Variants in FRY observed in about 807,000 individuals in gnomAD.
FRY encodes the protein protein furry homolog.
Under a neutral mutation model 348.4 loss-of-function variants are expected in FRY, and 128 were observed. The ratio of observed to expected loss-of-function variants is 0.37; its 90% CI spans 0.32 to 0.43. The LOEUF (loss-of-function observed/expected upper bound fraction) is 0.43, where lower values mean the gene tolerates loss of function less well. Among genes scored for constraint, FRY ranks in the 20% least tolerant of loss-of-function variants. The pLI, the probability that FRY is intolerant of heterozygous loss-of-function variation, is 1.00. For synonymous variants in FRY, 1,370 were observed against 1,374.7 expected (o/e 1.00, Z 0.08); for missense variants, 2,736 against 3,695.2 (o/e 0.74, Z 6.73).
chr13:32,051,888 A>G (rs1287261032), intron 1 of FRY, among the ~76,000 whole-genome samples: 2 of 152,262 alleles, frequency 1.3e-5, no homozygotes, highest in Admixed American at 6.5e-5. Flanking sequence ...CAATCATAAC[A>G]TGGATGATAT....
intron 1 of FRY, chr13:32,061,146 G>C: frequency 1.9e-6 from 1 of 533,400 alleles, no homozygotes; most frequent in South Asian, 1.4e-5. Flanking sequence ...TGTGTGATCA[G>C]CTTCATAAAA....
intron 48 of FRY, 127 bp from the exon 49 acceptor site, chr13:32,249,399 G>A (rs1055954458): frequency 1.0e-6 from 1 of 983,060 alleles, no homozygotes; most frequent in African/African-American, 1.6e-5. Context: ...GAGCCCACTT[G>A]TAACACTGAA....
intron 46 of FRY, 25 bp from the exon 47 acceptor site, chr13:32,244,017 C>T (rs1233589652): frequency 6.2e-7 from 1 of 1,612,672 alleles, no homozygotes; most frequent in East Asian, 2.2e-5. Context: ...GTGTGACTGA[C>T]TCCAGCCGCA....
chr13:32,130,604 T>C (rs1016333371), intron 7 of FRY, among the ~76,000 whole-genome samples: 2 of 152,040 alleles, frequency 1.3e-5, no homozygotes, highest in Non-Finnish European at 2.9e-5. Flanking sequence ...TTCTCTTAGC[T>C]TTAAGATCTG....
intron 28 of FRY, among the ~76,000 whole-genome samples, chr13:32,187,910 G>C (rs553213943): frequency 5.3e-5 from 8 of 152,200 alleles, no homozygotes; most frequent in African/African-American, 1.9e-4. Context: ...TAGAGACTAT[G>C]TTCTCTAATC....
intron 26 of FRY, 143 bp from the exon 27 acceptor site, chr13:32,186,117 T>C: frequency 1.4e-6 from 1 of 713,748 alleles, no homozygotes; most frequent in Non-Finnish European, 2.5e-6. Context: ...GTGGCTTGAC[T>C]TTTTAAGTGC....
At chr13:32,144,821 A>G (rs927040348) in intron 11 of FRY, among the ~76,000 whole-genome samples, 2 of 152,224 alleles carry the variant, frequency 1.3e-5, no homozygotes, top group Non-Finnish European at 2.9e-5. Context: ...CCTATCATTT[A>G]TGTGGGAACT....
intron 1 of FRY, among the ~76,000 whole-genome samples, chr13:32,050,049 T>C (rs1393800954): frequency 1.3e-5 from 2 of 152,170 alleles, no homozygotes; most frequent in Admixed American, 1.3e-4. Flanking sequence ...ATTAACACAG[T>C]GGTGTTGTAT....
chr13:32,098,606 T>A (rs1182554162), intron 2 of FRY, among the ~76,000 whole-genome samples: 1 of 151,802 alleles, frequency 6.6e-6, no homozygotes, highest in African/African-American at 2.4e-5. Context: ...CCTGAAGAAG[T>A]GATAGTTCAG....
At chr13:32,123,826 G>A (rs1878841914) in intron 4 of FRY, among the ~76,000 whole-genome samples, 1 of 152,092 alleles carries the variant, frequency 6.6e-6, no homozygotes, top group South Asian at 2.1e-4. Flanking sequence ...ATGTTTTGTT[G>A]TTGTTGTTGT....
chr13:32,097,681 A>G (rs543796138), intron 2 of FRY, among the ~76,000 whole-genome samples: 135 of 151,956 alleles, frequency 8.9e-4, no homozygotes, highest in Non-Finnish European at 1.5e-3. Flanking sequence ...TAAAAGTATC[A>G]TTGGAGCTGT....
chr13:32,037,222 T>C (rs1427279600), intron 1 of FRY, among the ~76,000 whole-genome samples: 1 of 152,222 alleles, frequency 6.6e-6, no homozygotes, highest in Non-Finnish European at 1.5e-5. Context: ...AAAATAGGAT[T>C]ATAGTAATAA....
intron 11 of FRY, among the ~76,000 whole-genome samples, chr13:32,145,694 G>C (rs542280769): frequency 2.0e-5 from 3 of 151,120 alleles, no homozygotes; most frequent in African/African-American, 7.3e-5. Context: ...ACAGGCGCCC[G>C]CCACCGCGCC....
intron 2 of FRY, among the ~76,000 whole-genome samples, chr13:32,082,831 T>C (rs139261184): frequency 0.026 from 3,975 of 152,292 alleles, 61 homozygotes; most frequent in Middle Eastern, 0.068. Context: ...TATTTCTTTG[T>C]GGGTTCTTTA....
chr13:32,209,691 G>T lies in FRY; in HGVS notation c.4382G>T (p.Ser1461Ile), dbSNP rs199744424. 5.6e-6 allele frequency: 9 copies of T among 1,614,024 alleles called. No individual in the cohort carries two copies. The highest frequency in any genetic ancestry group is 5.1e-6 in the Non-Finnish European group (6 of 1,180,012). The change falls in exon 33 of 61, where the codon AGC becomes ATC. Residue 1461 changes from serine to isoleucine, a missense_variant. Coordinates refer to ENST00000542859, the MANE Select transcript of FRY (RefSeq NM_023037.3). ...AGGATCACCTTGCAGTTCCTGATTAGCCTCTGTGGGGTCAGCAGCGACACA... is the reference window on the plus strand; with the variant it reads ...AGGATCACCTTGCAGTTCCTGATTATCCTCTGTGGGGTCAGCAGCGACACA... The part of the protein sequence containing the change: ...NLRITLQFLI[S>I]LCGVSSDTVL...
intron 8 of FRY, among the ~76,000 whole-genome samples, chr13:32,134,440 T>C (rs204573): frequency 0.98 from 149,558 of 152,336 alleles, 73,478 homozygotes; most frequent in East Asian, 1. Flanking sequence ...GCTCTGTGCC[T>C]GAGGCTGTCA....
chr13:32,103,855 T>C (rs985107993), intron 3 of FRY, among the ~76,000 whole-genome samples: 1 of 152,000 alleles, frequency 6.6e-6, no homozygotes, highest in Non-Finnish European at 1.5e-5. Context: ...TGGTCCCAGC[T>C]ATTCAGGATG....
intron 13 of FRY, among the ~76,000 whole-genome samples, chr13:32,148,998 G>A (rs934714199): frequency 5.3e-5 from 8 of 150,278 alleles, no homozygotes; most frequent in South Asian, 4.2e-4. Context: ...TGTATAAAAT[G>A]AACCTGTTTT....
chr13:32,077,938 T>TA (rs574799137), intron 1 of FRY, among the ~76,000 whole-genome samples: 21 of 152,230 alleles, frequency 1.4e-4, no homozygotes, highest in Admixed American at 2.6e-4. Context: ...CACTTGCTCT[T>TA]ACGTTTCTTT....
Sources: gnomAD v4.1 joint callset for allele counts (sites outside exome capture counted in the v4.1 genomes callset) on GRCh38, gnomAD v4.1.1 for gene constraint, MANE v1.5 for transcripts, NCBI Gene and HGNC (gene_info 2026-07-23, HGNC 2026-07-21) for gene names.